The following TAB3 variants were observed in gnomAD, a reference collection of about 807,000 sequenced individuals.
TAB3 encodes the protein TGF-beta activated kinase 1 (MAP3K7) binding protein 3.
A neutral mutation model predicts 48.1 loss-of-function variants in TAB3; 18 were observed. That is an observed-to-expected ratio of 0.37 (90% CI 0.26 to 0.55). TAB3 has a LOEUF of 0.55. Ranked by LOEUF, TAB3 falls within the 20% of genes least tolerant of loss-of-function variation. The pLI, the probability that TAB3 is intolerant of heterozygous loss-of-function variation, is 0.78. For missense variants in TAB3, 414 were observed against 549.8 expected (o/e 0.75, Z 2.47); for synonymous variants, 185 against 190.2 (o/e 0.97, Z 0.22).
At chrX:30,884,261 T>C (rs1471848115) in intron 1 of TAB3, among the ~76,000 whole-genome samples, 3 of 112,039 alleles carry the variant, frequency 2.7e-5, no homozygotes, top group African/African-American at 9.7e-5. Context: ...ATAGTAGTAA[T>C]GATGACGACA....
intron 9 of TAB3, among the ~76,000 whole-genome samples, chrX:30,837,064 T>C (rs1938254424): frequency 1.1e-5 from 1 of 93,176 alleles, no homozygotes; most frequent in Non-Finnish European, 2.1e-5. Flanking sequence ...TTTTTTTTTT[T>C]TGGAGACAGC....
chrX:30,843,215 A>T, intron 8 of TAB3, 166 bp from the exon 9 acceptor site: 1 of 394,599 alleles, frequency 2.5e-6, no homozygotes, highest in Admixed American at 4.8e-5. Context: ...TTGTGTTTTC[A>T]TCGCTGTGAG....
intron 4 of TAB3, among the ~76,000 whole-genome samples, 176 bp downstream of exon 4, chrX:30,866,939 A>C (rs1029837298): frequency 4.5e-5 from 5 of 110,267 alleles, no homozygotes; most frequent in African/African-American, 1.6e-4. Flanking sequence ...CAGGTGATCA[A>C]GGTCAACATC....
chrX:30,854,210 G>A lies in TAB3; in HGVS notation c.1455C>T (p.Pro485=). 3 of 1,211,433 alleles carry A rather than the reference G, an allele frequency of 2.5e-6. No individual in the cohort carries two copies. Among genetic ancestry groups the A allele is most frequent in the Non-Finnish European group, 3.4e-6 (3 of 895,429 alleles). The change falls in exon 6 of 11, where the codon CCC becomes CCT. Residue 485 remains proline (P), a synonymous_variant. Transcript: ENST00000288422. Reference sequence around the variant, plus strand: ...CCCCAGAGCCTGGTATCACTGAAATGGGCTGAATAGGTTCTGGTGCTGCAG... The same window carrying A: ...CCCCAGAGCCTGGTATCACTGAAATAGGCTGAATAGGTTCTGGTGCTGCAG... ...ERSAAPEPIQ[P]ISVIPGSGGE...
intron 8 of TAB3, chrX:30,844,505 T>TA (rs1938559871): frequency 8.9e-6 from 1 of 112,622 alleles, no homozygotes; most frequent in Admixed American, 9.4e-5. Context: ...GCTCATGTTC[T>TA]AATTTCTAGA....
rs750955776 is a variant in TAB3 at position 30,885,808 on chromosome X, A to G, written c.-383+3306T>C. 3.6e-5 allele frequency among the ~76,000 whole-genome samples: 4 copies of G among 111,761 alleles called. No homozygotes were observed. The East Asian group carries it at 1.1e-3, about 31-fold the overall frequency. ...TTGGCTATTCTCATCCTCCTTTTCA[A>G]GAAAGAACAGGGTGGGGTAAGAGAT... On this transcript the variant is annotated intron_variant, in intron 1 of 10. Transcript: ENST00000288422.
chrX:30,831,159 T>A lies in TAB3; in HGVS notation c.*268A>T. ...CCACCACAGAAGAGCTCTTGACTTC[T>A]GTGTGTACATTCTTTCACAGAGTGA... On this transcript the variant is annotated 3_prime_UTR_variant, in exon 11 of 11. Transcript: ENST00000288422. 3.6e-6 allele frequency: 1 copy of A among 275,164 alleles called. No individual in the cohort carries two copies. Among genetic ancestry groups the A allele is most frequent in the Non-Finnish European group, 6.4e-6 (1 of 156,397 alleles). The allele number at this position is 275,164 out of a possible 1,213,427, so 22.7% of individuals were successfully genotyped here.
intron 2 of TAB3, among the ~76,000 whole-genome samples, chrX:30,868,402 T>G (rs1210865478): frequency 3.8e-4 from 10 of 26,485 alleles, no homozygotes; most frequent in African/African-American, 2.3e-3. Context: ...TATATATATA[T>G]AGCTTATATA....
chrX:30,875,671 G>A (rs190331802), intron 1 of TAB3, among the ~76,000 whole-genome samples: 1 of 112,124 alleles, frequency 8.9e-6, no homozygotes, highest in Non-Finnish European at 1.9e-5. Context: ...CATTCCAGAC[G>A]TAGCTGAAAT....
intron 9 of TAB3, among the ~76,000 whole-genome samples, chrX:30,841,211 A>G: frequency 8.9e-6 from 1 of 111,734 alleles, no homozygotes; most frequent in South Asian, 3.8e-4. Flanking sequence ...ACTTGAGGTC[A>G]AGAGTTCAAG....
chrX:30,863,317 A>T (rs1035588309), intron 4 of TAB3, among the ~76,000 whole-genome samples: 1 of 112,561 alleles, frequency 8.9e-6, no homozygotes, highest in Admixed American at 9.4e-5. Flanking sequence ...AAAATACTTT[A>T]AAAAAGCAAC....
intron 1 of TAB3, among the ~76,000 whole-genome samples, chrX:30,885,866 C>T (rs1940116767): frequency 9.0e-6 from 1 of 111,253 alleles, no homozygotes; most frequent in Non-Finnish European, 1.9e-5. Context: ...TCCTAGAGCA[C>T]GGGATGGTGG....
intron 9 of TAB3, among the ~76,000 whole-genome samples, chrX:30,834,469 C>A (rs1569201383): frequency 1.8e-5 from 2 of 111,308 alleles, no homozygotes; most frequent in Non-Finnish European, 3.8e-5. Flanking sequence ...AAATAAATGT[C>A]GATGTGAAAG....
rs1939438929 is a variant in TAB3, at chrX:30,867,235, A to C, written c.-194-17T>G. The stretch of plus-strand genomic sequence containing the variant: ...GATGGAATCCTGAAAGAGGAAAAAA[A>C]ACATGTTCAGTAAAAGTTAAGGAAA... On this transcript the variant is annotated splice_polypyrimidine_tract_variant and intron_variant, in intron 3 of 10. Coordinates refer to ENST00000288422, the MANE Select transcript of TAB3 (RefSeq NM_152787.5). The C allele has an allele frequency of 8.9e-6, 1 of 111,892 alleles. No homozygotes were observed. 9.2% of individuals were successfully genotyped at this position (111,892 alleles called of 1,213,427 possible).
chrX:30,873,265 C>T (rs1229011608), intron 1 of TAB3, among the ~76,000 whole-genome samples: 2 of 111,347 alleles, frequency 1.8e-5, no homozygotes, highest in African/African-American at 3.3e-5. Context: ...CGGCCGGGCG[C>T]GGTGGCTCAC....
Position 30,831,570 on chromosome X carries a change from G to A in TAB3, c.1996C>T (p.Arg666Ter), listed in dbSNP as rs1158811445. The change falls in exon 11 of 11, where the codon CGA (arginine) becomes TGA (stop). Residue 666 changes from arginine (R) to a stop codon, truncating the protein, a stop_gained. Coordinates refer to ENST00000288422, the MANE Select transcript of TAB3 (RefSeq NM_152787.5). LOFTEE classifies it high-confidence loss of function. ...DTQAAAADEH[R>*]TGSTQSPRTQ... Reference sequence around the variant, plus strand: ...CGAGGACTTTGTGTGGAGCCAGTTCGATGCTCTGAGGGAGGTTAGGATTAA... The same window carrying A: ...CGAGGACTTTGTGTGGAGCCAGTTCAATGCTCTGAGGGAGGTTAGGATTAA... 5 of 1,210,801 alleles carry A rather than the reference G, an allele frequency of 4.1e-6. No individual in the cohort carries two copies. Among genetic ancestry groups the A allele is most frequent in the Non-Finnish European group, 4.5e-6 (4 of 895,118 alleles).
At chrX:30,854,026 A>T in intron 6 of TAB3, 90 bp downstream of exon 6, 1 of 999,400 alleles carries the variant, frequency 1.0e-6, no homozygotes, top group East Asian at 3.3e-5. Context: ...AATACTAAAC[A>T]TTTAATTAAA....
intron 1 of TAB3, among the ~76,000 whole-genome samples, chrX:30,873,517 T>G (rs1213128572): frequency 1.1e-5 from 1 of 87,922 alleles, no homozygotes; most frequent in Non-Finnish European, 2.2e-5. Context: ...AGAACGAGAC[T>G]CCGTCTCAAA....
intron 7 of TAB3, among the ~76,000 whole-genome samples, chrX:30,848,929 G>A (rs1392002506): frequency 9.1e-6 from 1 of 109,535 alleles, no homozygotes; most frequent in Admixed American, 9.8e-5. Context: ...CAGGAAGAAT[G>A]GGGGGGAATA....
Sources: gnomAD v4.1 joint callset for allele counts (sites outside exome capture counted in the v4.1 genomes callset) on GRCh38, gnomAD v4.1.1 for gene constraint, MANE v1.5 for transcripts, NCBI Gene and HGNC (gene_info 2026-07-23, HGNC 2026-07-21) for gene names.